Variants in TNRC18 observed in about 807,000 individuals in gnomAD.
TNRC18 encodes trinucleotide repeat containing 18, also known as trinucleotide repeat-containing gene 18 protein.
A neutral mutation model predicts 226.7 loss-of-function variants in TNRC18; 69 were observed. The observed-to-expected ratio is 0.30, with a 90% CI of 0.25 to 0.37. The LOEUF (loss-of-function observed/expected upper bound fraction) is 0.37. Ranked by LOEUF, TNRC18 falls within the 10% of genes least tolerant of loss-of-function variation. The pLI, the probability that TNRC18 is intolerant of heterozygous loss-of-function variation, is 1.00. For missense variants in TNRC18, 4,754 were observed against 4,256.6 expected (o/e 1.12, Z -3.25); for synonymous variants, 2,449 against 1,927.6 (o/e 1.27, Z -7.09).
At chr7:5,383,953 G>A (rs1779574421) in intron 5 of TNRC18, among the ~76,000 whole-genome samples, 1 of 124,824 alleles carries the variant, frequency 8.0e-6, no homozygotes, top group Admixed American at 9.2e-5. Flanking sequence ...AGCATACCCG[G>A]GTGATTTTTT....
chr7:5,320,564 T>C lies in TNRC18; in HGVS notation c.6604A>G (p.Ile2202Val). ...VEGERGNRPH[I>V]YCLEQLLQEA... ...TGCAGCAACTGCTCCAGACAGTAGA[T>C]GTGGGGCCGGTTGCCCCGCTCACCC... The change falls in exon 23 of 30, where the codon ATC (isoleucine) becomes GTC (valine). Residue 2202 changes from isoleucine to valine, a missense_variant. Coordinates refer to ENST00000430969, the MANE Select transcript of TNRC18 (RefSeq NM_001080495.3). The C allele has an allele frequency of 6.2e-7, 1 of 1,611,526 alleles. No individual in the cohort carries two copies. The highest frequency in any genetic ancestry group is 8.5e-7 in the Non-Finnish European group (1 of 1,179,660).
intron 9 of TNRC18, among the ~76,000 whole-genome samples, chr7:5,375,343 C>A (rs1794557129): frequency 6.9e-6 from 1 of 144,984 alleles, no homozygotes; most frequent in Non-Finnish European, 1.5e-5. Flanking sequence ...CAAACAAACA[C>A]CAGAACAAAG....
chr7:5,352,304 A>T (rs1157189003), intron 16 of TNRC18, among the ~76,000 whole-genome samples: 1 of 152,038 alleles, frequency 6.6e-6, no homozygotes, highest in East Asian at 1.9e-4. Context: ...TGCCTCGGTC[A>T]TTGCATGGCA....
intron 1 of TNRC18, chr7:5,423,065 C>T (rs1782673183): frequency 6.6e-6 from 1 of 152,280 alleles, no homozygotes; most frequent in African/African-American, 2.4e-5. Context: ...TTCTCCCCCT[C>T]TTAAATGGAG....
chr7:5,345,730 C>A lies in TNRC18; in HGVS notation c.5551G>T (p.Ala1851Ser), dbSNP rs2128139671. Reference protein sequence around the residue: ...EASGGGYRLGARERALSPGLE... With the variant: ...EASGGGYRLGSRERALSPGLE... ...CCCGGTGACAGGGCCCGCTCCCGGGCACCCAGCCTGTAGCCACCACCGCTG... is the reference window on the plus strand; with the variant it reads ...CCCGGTGACAGGGCCCGCTCCCGGGAACCCAGCCTGTAGCCACCACCGCTG... Residue 1851 changes from alanine to serine, a missense_variant, in exon 18 of 30, where the codon GCC becomes TCC. Coordinates refer to ENST00000430969, the MANE Select transcript of TNRC18 (RefSeq NM_001080495.3). 2 of 1,548,446 alleles carry A rather than the reference C, an allele frequency of 1.3e-6. No individual in the cohort carries two copies. The highest frequency in any genetic ancestry group is 2.4e-5 in the South Asian group (2 of 84,040).
chr7:5,358,793 G>A (rs1350366370), intron 15 of TNRC18, among the ~76,000 whole-genome samples: 1 of 152,014 alleles, frequency 6.6e-6, no homozygotes, highest in Non-Finnish European at 1.5e-5. Context: ...CAGCCTGGGT[G>A]ACTGAGTGAC....
intron 2 of TNRC18, among the ~76,000 whole-genome samples, chr7:5,399,178 C>T (rs1373350198): frequency 6.6e-6 from 1 of 152,092 alleles, no homozygotes; most frequent in Admixed American, 6.6e-5. Flanking sequence ...CCCCGTTTCA[C>T]CAAGAAGGAT....
chr7:5,373,913 T>C, intron 10 of TNRC18, 142 bp downstream of exon 10: 1 of 594,898 alleles, frequency 1.7e-6, no homozygotes, highest in Non-Finnish European at 2.7e-6. Context: ...TGTCTCAGTG[T>C]CTGGCGGCAG....
Position 5,314,074 on chromosome 7 carries a change from T to G in TNRC18, c.7028-211A>C, listed in dbSNP as rs10227805. Among the ~76,000 whole-genome samples, 11,471 of 151,922 alleles carry G rather than the reference T, an allele frequency of 0.076. 522 individuals are homozygous for G. The highest frequency in any genetic ancestry group is 0.17 in the East Asian group (864 of 5,158). On this transcript the variant is annotated intron_variant, in intron 26 of 29. Coordinates refer to ENST00000430969, the MANE Select transcript of TNRC18 (RefSeq NM_001080495.3). The stretch of plus-strand genomic sequence containing the variant: ...CCTGGGCTCATGTGAGCCTCCAGCC[T>G]CAGTCTCCCAAGTAACCTGAGGCCA...
In TNRC18 at chr7:5,324,883, G is replaced by A. The variant is rs1052914356; in HGVS notation, c.6300+213C>T. ...GTTCCAGTGTCCCTCGCCCCCGCTA[G>A]AGCAGACATTTCCTGAGGACAGGAG... On this transcript the variant is annotated intron_variant, in intron 20 of 29. Transcript: ENST00000430969. This position sits in a 1 kb window ranked among gnomAD's most constrained non-coding sequence, Gnocchi z 4.8. 1.3e-5 allele frequency among the ~76,000 whole-genome samples: 2 copies of A among 152,218 alleles called. No homozygotes were observed. The highest frequency in any genetic ancestry group is 6.5e-5 in the Admixed American group (1 of 15,280).
rs775900860 is a variant in TNRC18 at position 5,387,689 on chromosome 7, G to A, written c.2135C>T (p.Ser712Leu). 15 of 1,604,756 alleles carry A rather than the reference G, an allele frequency of 9.3e-6. 1 individual carries two copies. The highest frequency in any genetic ancestry group is 2.2e-5 in the South Asian group (2 of 91,088). Residue 712 changes from serine (S) to leucine (L), a missense_variant, in exon 5 of 30, where the codon TCG (serine) becomes TTG (leucine). Physicochemically the swap from Ser to Leu is moderately radical, Grantham distance 145 (BLOSUM62 -2). Coordinates refer to ENST00000430969, the MANE Select transcript of TNRC18 (RefSeq NM_001080495.3). ...GGACCTACCTTTGACGTTACTCAGC[G>A]ACAGAGAGCGCTCCTGGTCTACCAG... Reference protein sequence around the residue: ...PGLVDQERSLSLSNVKGHGRA... With the variant: ...PGLVDQERSLLLSNVKGHGRA...
rs190384018 is a variant in TNRC18, at chr7:5,394,166, G to A, written c.343+274C>T. Among the ~76,000 whole-genome samples the A allele has an allele frequency of 1.1e-4, 16 of 152,304 alleles. No homozygotes were observed. The East Asian group carries it at 2.3e-3, about 22-fold the overall frequency. ...ACAAGCAAGTGATGGAAGTGGGTGC[G>A]GAAGAGGGGGTCTCTGAGCTGAGCC... On this transcript the variant is annotated intron_variant, in intron 3 of 29. Coordinates refer to ENST00000430969, the MANE Select transcript of TNRC18 (RefSeq NM_001080495.3). This position sits in a 1 kb window ranked among gnomAD's most constrained non-coding sequence, Gnocchi z 4.5.
At chr7:5,310,782 G>A (rs574670932) in intron 27 of TNRC18, among the ~76,000 whole-genome samples, 72 of 152,372 alleles carry the variant, frequency 4.7e-4, no homozygotes, top group African/African-American at 1.7e-3. Flanking sequence ...ACATGCAGGT[G>A]CTCCTGCCCC....
chr7:5,380,672 A>C (rs1014882555), intron 5 of TNRC18, among the ~76,000 whole-genome samples: 3 of 152,176 alleles, frequency 2.0e-5, no homozygotes, highest in Non-Finnish European at 4.4e-5. Flanking sequence ...AGCTGAGCCC[A>C]CCATGCACCC....
chr7:5,402,269 C>T (rs1781158623), intron 2 of TNRC18, among the ~76,000 whole-genome samples: 1 of 151,200 alleles, frequency 6.6e-6, no homozygotes, highest in South Asian at 2.1e-4. Flanking sequence ...CACAGTGACT[C>T]ATGCCTGTAA....
chr7:5,376,068 T>C lies in TNRC18; in HGVS notation c.2765A>G (p.Gln922Arg), dbSNP rs749696965. 6.3e-7 allele frequency: 1 copy of C among 1,597,204 alleles called. No individual in the cohort carries two copies. The highest frequency in any genetic ancestry group is 1.1e-5 in the South Asian group (1 of 88,146). The change falls in exon 9 of 30, where the codon CAG (glutamine) becomes CGG (arginine). Residue 922 changes from glutamine (Q) to arginine (R), a missense_variant. Gln to Arg is a conservative substitution (Grantham distance 43). Coordinates refer to ENST00000430969, the MANE Select transcript of TNRC18 (RefSeq NM_001080495.3). ...GGCGCTCCTCTGCAGTTCCAAGGCCTGGGCCGCCTGCTGCTGCAGGTACAG... is the reference window on the plus strand; with the variant it reads ...GGCGCTCCTCTGCAGTTCCAAGGCCCGGGCCGCCTGCTGCTGCAGGTACAG... ...EFLYLQQQAA[Q>R]ALELQRSAQL...
At chr7:5,328,652 G>T (rs1248058537) in intron 19 of TNRC18, among the ~76,000 whole-genome samples, 1 of 152,014 alleles carries the variant, frequency 6.6e-6, no homozygotes, top group Non-Finnish European at 1.5e-5. Flanking sequence ...AGGACTACAG[G>T]TGACCGCCAC....
chr7:5,404,312 A>G (rs537645470), intron 2 of TNRC18, among the ~76,000 whole-genome samples: 34 of 152,230 alleles, frequency 2.2e-4, no homozygotes, highest in Non-Finnish European at 4.6e-4. Flanking sequence ...CGGAGGTTGC[A>G]GTGAGCCGAG....
intron 27 of TNRC18, among the ~76,000 whole-genome samples, chr7:5,311,206 G>GTGTGTT (rs1787173264): frequency 6.6e-6 from 1 of 152,146 alleles, no homozygotes; most frequent in Non-Finnish European, 1.5e-5. Context: ...GCGTGTGTGT[G>GTGTGTT]TGCATGTGCC....
Sources: allele counts gnomAD v4.1 joint callset (sites outside exome capture counted in the v4.1 genomes callset), GRCh38; gene constraint gnomAD v4.1.1; non-coding constraint Gnocchi (gnomAD v3.1); transcripts MANE v1.5; gene names NCBI Gene and HGNC (gene_info 2026-07-23, HGNC 2026-07-21).